The following PARD3 variants were observed in gnomAD, a reference collection of about 807,000 sequenced individuals.
PARD3 encodes partitioning defective 3 homolog.
Under a neutral mutation model 155.4 loss-of-function variants are expected in PARD3, and 75 were observed. That is an observed-to-expected ratio of 0.48 (90% CI 0.40 to 0.58). The LOEUF is 0.58. PARD3 is among the 20% of genes least tolerant of loss of function. The pLI is 0.00. For synonymous variants in PARD3, 576 were observed against 610.5 expected (o/e 0.94, Z 0.83); for missense variants, 1,642 against 1,721.7 (o/e 0.95, Z 0.82).
rs1427221741 is a variant in PARD3, at chr10:34,413,172, CACACACACAT to C, written c.715-11265_715-11256del. Among the ~76,000 whole-genome samples, 25 of 151,688 alleles carry C rather than the reference CACACACACAT, an allele frequency of 1.6e-4. No individual in the cohort carries two copies. In the East Asian group the frequency reaches 3.1e-3, roughly 19 times the overall value. ...ACACACACACACACACACACACACA[CACACACACAT>C]ATATATAAGACTTTGTAACTGATAA... On this transcript the variant is annotated intron_variant, in intron 5 of 24. Coordinates refer to ENST00000374788, the MANE Select transcript of PARD3 (RefSeq NM_001184785.2).
intron 2 of PARD3, among the ~76,000 whole-genome samples, chr10:34,676,690 G>T (rs2093714248): frequency 6.6e-6 from 1 of 152,154 alleles, no homozygotes; most frequent in Non-Finnish European, 1.5e-5. Flanking sequence ...TTTTGGCAGA[G>T]ATCTCTAGGT....
Position 34,191,429 on chromosome 10 carries a change from C to T in PARD3, c.3420-59846G>A, listed in dbSNP as rs184721399. Among the ~76,000 whole-genome samples, 167 of 152,154 alleles carry T rather than the reference C, an allele frequency of 1.1e-3. 2 individuals carry two copies. The highest frequency in any genetic ancestry group is 3.8e-3 in the African/African-American group (159 of 41,506). Reference sequence around the variant, plus strand: ...GAGAGGCAGCCACTGAAAGTATCAACGAATCAAAGAGGGAGAGGAGCTCTA... The same window carrying T: ...GAGAGGCAGCCACTGAAAGTATCAATGAATCAAAGAGGGAGAGGAGCTCTA... On this transcript the variant is annotated intron_variant, in intron 22 of 24. Transcript: ENST00000374788.
chr10:34,547,809 T>A (rs904492436), intron 2 of PARD3, among the ~76,000 whole-genome samples: 1 of 152,202 alleles, frequency 6.6e-6, no homozygotes, highest in Non-Finnish European at 1.5e-5. Context: ...GCTTAAAAAA[T>A]TTAAGCATTA....
chr10:34,428,748 G>C (rs2075752270), intron 5 of PARD3, among the ~76,000 whole-genome samples: 1 of 152,130 alleles, frequency 6.6e-6, no homozygotes, highest in African/African-American at 2.4e-5. Context: ...GGTGGGGTGA[G>C]AGACTGTAAG....
intron 2 of PARD3, among the ~76,000 whole-genome samples, chr10:34,645,696 G>A (rs1018575079): frequency 1.3e-5 from 2 of 152,122 alleles, no homozygotes; most frequent in Admixed American, 6.5e-5. Flanking sequence ...CTGCAGCTGC[G>A]GCTGGGAGCA....
chr10:34,158,979 G>A lies in PARD3; in HGVS notation c.3420-27396C>T, dbSNP rs182778581. 9.9e-5 allele frequency among the ~76,000 whole-genome samples: 15 copies of A among 152,246 alleles called. No homozygotes were observed. The East Asian group carries it at 2.9e-3, about 29-fold the overall frequency. ...ATATCTTTCCATCAGATATTTCCAAGGATGAAGACTGAATTGCAGCATTTT... is the reference window on the plus strand; with the variant it reads ...ATATCTTTCCATCAGATATTTCCAAAGATGAAGACTGAATTGCAGCATTTT... On this transcript the variant is annotated intron_variant, in intron 22 of 24. Transcript: ENST00000374788.
chr10:34,111,504 G>T lies in PARD3; in HGVS notation c.3727C>A (p.Pro1243Thr). 1 of 1,614,028 alleles carries T rather than the reference G, an allele frequency of 6.2e-7. No homozygotes were observed. Among genetic ancestry groups the T allele is most frequent in the Non-Finnish European group, 8.5e-7 (1 of 1,179,952 alleles). ...SQDSWEQNYS[P>T]GEGFQSAKEN... Reference sequence around the variant, plus strand: ...TTGGCACTCTGGAAGCCTTCCCCAGGGGAGTAGTTCTGCTCCCAAGAGTCC... The same window carrying T: ...TTGGCACTCTGGAAGCCTTCCCCAGTGGAGTAGTTCTGCTCCCAAGAGTCC... The change falls in exon 25 of 25, where the codon CCT becomes ACT. Residue 1243 changes from proline to threonine, a missense_variant. Coordinates refer to ENST00000374788, the MANE Select transcript of PARD3 (RefSeq NM_001184785.2).
At chr10:34,335,402 G>A (rs1355382400) in intron 18 of PARD3, among the ~76,000 whole-genome samples, 1 of 151,836 alleles carries the variant, frequency 6.6e-6, no homozygotes, top group Non-Finnish European at 1.5e-5. Context: ...ACATCATACT[G>A]GATACAGATT....
intron 2 of PARD3, among the ~76,000 whole-genome samples, chr10:34,538,496 A>G (rs2083373210): frequency 6.6e-6 from 1 of 152,266 alleles, no homozygotes; most frequent in Non-Finnish European, 1.5e-5. Context: ...AAGCTTTGCC[A>G]AGACACAGAA....
intron 1 of PARD3, among the ~76,000 whole-genome samples, chr10:34,782,107 A>T (rs1195093359): frequency 6.6e-6 from 1 of 152,100 alleles, no homozygotes; most frequent in Non-Finnish European, 1.5e-5. Context: ...ACCATCTGTA[A>T]TTTTTTTCTT....
chr10:34,217,456 T>C (rs1270993872), intron 22 of PARD3, among the ~76,000 whole-genome samples: 1 of 152,170 alleles, frequency 6.6e-6, no homozygotes, highest in Non-Finnish European at 1.5e-5. Flanking sequence ...GAAAGGCTAA[T>C]TCATTATTAC....
At chr10:34,279,874 G>A (rs1956079634) in intron 21 of PARD3, among the ~76,000 whole-genome samples, 1 of 152,132 alleles carries the variant, frequency 6.6e-6, no homozygotes, top group African/African-American at 2.4e-5. Context: ...TTCCTAAGGA[G>A]ATTTATAAAT....
chr10:34,503,499 C>T (rs1415006476), intron 3 of PARD3, among the ~76,000 whole-genome samples: 1 of 152,178 alleles, frequency 6.6e-6, no homozygotes, highest in African/African-American at 2.4e-5. Context: ...TATAACCTCA[C>T]TAAATATCAG....
intron 14 of PARD3, among the ~76,000 whole-genome samples, chr10:34,354,574 G>A (rs1384083436): frequency 6.6e-6 from 1 of 152,138 alleles, no homozygotes; most frequent in Non-Finnish European, 1.5e-5. Flanking sequence ...GCTGCTGGGT[G>A]AAGGGGAGTA....
At chr10:34,300,339 T>C (rs1415988820) in intron 20 of PARD3, among the ~76,000 whole-genome samples, 1 of 152,182 alleles carries the variant, frequency 6.6e-6, no homozygotes, top group Non-Finnish European at 1.5e-5. Context: ...TGTCACAATA[T>C]TGGAAAAGAA....
At chr10:34,532,059 G>A (rs893514735) in intron 2 of PARD3, among the ~76,000 whole-genome samples, 1 of 152,098 alleles carries the variant, frequency 6.6e-6, no homozygotes. Context: ...ATGCAGTTGC[G>A]ATTTAATATT....
intron 3 of PARD3, 62 bp from the exon 4 acceptor site, chr10:34,470,325 G>C: frequency 8.3e-7 from 1 of 1,210,570 alleles, no homozygotes; most frequent in Non-Finnish European, 1.1e-6. Flanking sequence ...CTACATGTTA[G>C]GAGAACGTAG....
At chr10:34,184,699 T>TA (rs1554804506) in intron 22 of PARD3, among the ~76,000 whole-genome samples, 1 of 8,266 alleles carries the variant, frequency 1.2e-4, no homozygotes, top group Non-Finnish European at 1.7e-3. Context: ...GGCCTTTCGG[T>TA]TTTTTTTTTT....
At chr10:34,387,364 A>C (rs1379882670) in intron 7 of PARD3, among the ~76,000 whole-genome samples, 1 of 152,180 alleles carries the variant, frequency 6.6e-6, no homozygotes, top group South Asian at 2.1e-4. Context: ...TCTTGGATAC[A>C]TCCTTTCAGT....
Sources: allele counts gnomAD v4.1 joint callset (sites outside exome capture counted in the v4.1 genomes callset), GRCh38; gene constraint gnomAD v4.1.1; transcripts MANE v1.5; gene names NCBI Gene and HGNC (gene_info 2026-07-23, HGNC 2026-07-21).